SIPA1L3: variants seen among roughly 807,000 people sequenced by gnomAD.
The protein encoded by SIPA1L3 is signal induced proliferation associated 1 like 3.
SIPA1L3 carries 59 observed loss-of-function variants against 150.1 expected under a neutral mutation model. That is an observed-to-expected ratio of 0.39 (90% confidence interval 0.32 to 0.49). The LOEUF is 0.49. Ranked by LOEUF, SIPA1L3 falls within the 20% of genes least tolerant of loss-of-function variation. The pLI, the probability that SIPA1L3 is intolerant of heterozygous loss-of-function variation, is 0.86. For synonymous variants in SIPA1L3, 1,070 were observed against 1,077.6 expected (o/e 0.99, Z 0.14); for missense variants, 2,211 against 2,489.5 (o/e 0.89, Z 2.38).
In SIPA1L3 at chr19:38,082,954, C is replaced by T; in HGVS notation, c.1389C>T (p.Ala463=). The change falls in exon 3 of 22, where the codon GCC becomes GCT. Residue 463 remains alanine (A), a synonymous_variant. Coordinates refer to ENST00000222345, the MANE Select transcript of SIPA1L3 (RefSeq NM_015073.3). ...GCGAGGGCCACCTGGCAGAGCCCGCCCTGAGCGCCTACCGCACCAACGCCA... is the reference window on the plus strand; with the variant it reads ...GCGAGGGCCACCTGGCAGAGCCCGCTCTGAGCGCCTACCGCACCAACGCCA... The part of the protein sequence containing the change: ...SSGEGHLAEP[A]LSAYRTNASI... The T allele has an allele frequency of 6.2e-7, 1 of 1,613,030 alleles. No individual in the cohort carries two copies. The highest frequency in any genetic ancestry group is 1.3e-5 in the African/African-American group (1 of 75,056).
At chr19:38,102,644 G>A (rs1040780578) in intron 6 of SIPA1L3, among the ~76,000 whole-genome samples, 2 of 151,520 alleles carry the variant, frequency 1.3e-5, no homozygotes, top group African/African-American at 4.8e-5. Flanking sequence ...TATATTGTTG[G>A]TGGATATGCT....
Position 38,169,855 on chromosome 19 carries a change from G to A in SIPA1L3, c.4208+4949G>A, listed in dbSNP as rs575696878. Among the ~76,000 whole-genome samples the A allele has an allele frequency of 4.6e-5, 7 of 152,060 alleles. No individual in the cohort carries two copies. The South Asian group carries it at 1.5e-3, about 32-fold the overall frequency. On this transcript the variant is annotated intron_variant, in intron 15 of 21. Transcript: ENST00000222345. ...GGCCCAGGCAGAGGGGTCAGGGTCA[G>A]GGTGGGGGGCCCAGGCTAAGGGGTC... is the stretch of plus-strand genomic sequence containing the variant.
chr19:38,124,285 C>T (rs541214724), intron 9 of SIPA1L3, among the ~76,000 whole-genome samples: 35 of 138,082 alleles, frequency 2.5e-4, no homozygotes, highest in Admixed American at 1.4e-3. Flanking sequence ...ACTTCTCAGA[C>T]GGGGCGGCCG....
intron 16 of SIPA1L3, among the ~76,000 whole-genome samples, chr19:38,190,818 A>G (rs1397106898): frequency 6.6e-6 from 1 of 152,176 alleles, no homozygotes; most frequent in Non-Finnish European, 1.5e-5. Flanking sequence ...AGAGGTTATC[A>G]TGGTTCATAA....
chr19:37,941,087 TACACACACACAC>T (rs59368800), intron 1 of SIPA1L3, among the ~76,000 whole-genome samples: 2 of 128,570 alleles, frequency 1.6e-5, no homozygotes, highest in Non-Finnish European at 3.2e-5. Context: ...CACACACACA[TACACACACACAC>T]ACACACACAC....
intron 20 of SIPA1L3, 95 bp downstream of exon 20, chr19:38,202,092 C>T (rs893679424): frequency 1.5e-6 from 2 of 1,298,354 alleles, no homozygotes; most frequent in East Asian, 4.8e-5. Context: ...GTGGGTCACC[C>T]CCACCACTCT....
rs557107950 is a variant in SIPA1L3 at position 38,068,264 on chromosome 19, C to T, written c.-310-12992C>T. Among the ~76,000 whole-genome samples the T allele has an allele frequency of 5.3e-5, 8 of 152,134 alleles. No individual in the cohort carries two copies. The South Asian group carries it at 1.5e-3, about 28-fold the overall frequency. ...CAGGATGGTCTCGATCTCCTGACCTCGTGATCTGCCCGCCTCGGCCTCCCA... is the reference window on the plus strand; with the variant it reads ...CAGGATGGTCTCGATCTCCTGACCTTGTGATCTGCCCGCCTCGGCCTCCCA... On this transcript the variant is annotated intron_variant, in intron 2 of 21. Transcript: ENST00000222345.
intron 2 of SIPA1L3, among the ~76,000 whole-genome samples, chr19:38,072,367 T>G (rs1164626973): frequency 6.6e-6 from 1 of 152,224 alleles, no homozygotes; most frequent in Non-Finnish European, 1.5e-5. Context: ...CTGGCTTTTG[T>G]GTATGTTTTC....
chr19:37,927,823 C>A (rs568679647), intron 1 of SIPA1L3, among the ~76,000 whole-genome samples: 1 of 152,076 alleles, frequency 6.6e-6, no homozygotes, highest in Non-Finnish European at 1.5e-5. Flanking sequence ...TGCATTCATT[C>A]ACTTAGGATA....
chr19:37,987,347 C>T (rs1342552861), intron 1 of SIPA1L3, among the ~76,000 whole-genome samples: 1 of 152,126 alleles, frequency 6.6e-6, no homozygotes, highest in Non-Finnish European at 1.5e-5. Flanking sequence ...GGGACACGCA[C>T]TTTGAATCCT....
At chr19:38,072,701 T>C (rs1350818799) in intron 2 of SIPA1L3, among the ~76,000 whole-genome samples, 3 of 152,220 alleles carry the variant, frequency 2.0e-5, no homozygotes, top group East Asian at 1.9e-4. Flanking sequence ...CTCTAGCCCA[T>C]TGGGTGGCCA....
intron 14 of SIPA1L3, among the ~76,000 whole-genome samples, chr19:38,163,228 G>A (rs1163394588): frequency 6.6e-6 from 1 of 152,134 alleles, no homozygotes; most frequent in Non-Finnish European, 1.5e-5. Context: ...GGTGGCTCAC[G>A]CCTATAATCC....
At chr19:38,001,564 C>A (rs1205649165) in intron 1 of SIPA1L3, among the ~76,000 whole-genome samples, 1 of 152,048 alleles carries the variant, frequency 6.6e-6, no homozygotes, top group Non-Finnish European at 1.5e-5. Flanking sequence ...TAGCTATGAC[C>A]ACAGGCATGT....
At chr19:37,999,980 C>T (rs1568495354) in intron 1 of SIPA1L3, among the ~76,000 whole-genome samples, 1 of 152,166 alleles carries the variant, frequency 6.6e-6, no homozygotes, top group Non-Finnish European at 1.5e-5. Context: ...GAGAAAGTTG[C>T]GTAACCTCTC....
At chr19:37,919,338 G>T (rs545600215) in intron 1 of SIPA1L3, among the ~76,000 whole-genome samples, 1 of 152,324 alleles carries the variant, frequency 6.6e-6, no homozygotes, top group East Asian at 1.9e-4. Flanking sequence ...CATTCACTGA[G>T]CTCTTACTAT....
intron 2 of SIPA1L3, among the ~76,000 whole-genome samples, chr19:38,053,702 G>A (rs1969253017): frequency 6.6e-6 from 1 of 152,064 alleles, no homozygotes. Context: ...GATCACAGGC[G>A]TGTGCCAACA....
intron 20 of SIPA1L3, among the ~76,000 whole-genome samples, 190 bp downstream of exon 20, chr19:38,202,187 T>G (rs920089806): frequency 3.9e-5 from 6 of 152,178 alleles, no homozygotes; most frequent in African/African-American, 1.4e-4. Context: ...GCACTGGGGA[T>G]CCACAGTGAC....
chr19:37,957,642 C>T lies in SIPA1L3; in HGVS notation c.-379+50284C>T, dbSNP rs2046822899. On this transcript the variant is annotated intron_variant, in intron 1 of 21. Coordinates refer to ENST00000222345, the MANE Select transcript of SIPA1L3 (RefSeq NM_015073.3). ...ACAATCATGGCCTTTTGGGCTCAAG[C>T]AGCCCTCCCATCTCAACCTCCTGCA... Among the ~76,000 whole-genome samples, 3 of 151,742 alleles carry T rather than the reference C, an allele frequency of 2.0e-5. 1 individual carries two copies. Among genetic ancestry groups the T allele is most frequent in the Admixed American group, 1.3e-4 (2 of 15,202 alleles).
chr19:38,083,992 C>CA (rs748446835), intron 3 of SIPA1L3, among the ~76,000 whole-genome samples: 1,775 of 71,118 alleles, frequency 0.025, 33 homozygotes, highest in East Asian at 0.061. Flanking sequence ...GACTCTGTCT[C>CA]AAAAAAAAAA....
Sources: gnomAD v4.1 joint callset for allele counts (sites outside exome capture counted in the v4.1 genomes callset) on GRCh38, gnomAD v4.1.1 for gene constraint, MANE v1.5 for transcripts, NCBI Gene and HGNC (gene_info 2026-07-23, HGNC 2026-07-21) for gene names.